CCDC137: variants seen among roughly 807,000 people sequenced by gnomAD.
The protein encoded by CCDC137 is coiled-coil domain-containing protein 137.
In CCDC137, 24 loss-of-function variants were observed where a neutral mutation model predicts 30.4. The observed-to-expected ratio is 0.79, with a 90% CI of 0.57 to 1.11. The LOEUF (loss-of-function observed/expected upper bound fraction) is 1.11. Among genes scored for constraint, CCDC137 ranks in the 50% least tolerant of loss-of-function variants. The pLI, the probability that CCDC137 is intolerant of heterozygous loss-of-function variation, is 0.00. For synonymous variants in CCDC137, 182 were observed against 155.7 expected, an observed-to-expected ratio of 1.17 and a Z score of -1.26; for missense variants, 417 against 380.4, an observed-to-expected ratio of 1.10 and a Z score of -0.80.
chr17:81,671,813 G>T lies in CCDC137; in HGVS notation c.567G>T (p.Gln189His). The T allele has an allele frequency of 6.2e-7, 1 of 1,613,536 alleles. No individual in the cohort carries two copies. Among genetic ancestry groups the T allele is most frequent in the Non-Finnish European group, 8.5e-7 (1 of 1,179,872 alleles). Residue 189 changes from glutamine to histidine, a missense_variant, in exon 4 of 6, where the codon CAG (glutamine) becomes CAT (histidine). Gln to His is a conservative substitution (Grantham distance 24). Transcript: ENST00000329214. ...AAAAGGCGGCAGACAGGCTGGAGCA[G>T]GAGTTGCTCCGAGGTAGCTCTTCCC... ...KEEKAADRLE[Q>H]ELLRDTVKFG...
chr17:81,668,625 A>G (rs2144439851), intron 2 of CCDC137, among the ~76,000 whole-genome samples: 1 of 152,298 alleles, frequency 6.6e-6, no homozygotes, highest in South Asian at 2.1e-4. Flanking sequence ...AGGTGCAGGG[A>G]GGAGGCGCAC....
At chr17:81,671,665 G>A (rs575450664) in intron 3 of CCDC137, 79 bp from the exon 4 acceptor site, 2 of 1,436,014 alleles carry the variant, frequency 1.4e-6, no homozygotes, top group African/African-American at 2.8e-5. Context: ...GGGATCCCTT[G>A]TGGGTGGGGC....
At chr17:81,671,968 G>A in intron 4 of CCDC137, 108 bp from the exon 5 acceptor site, 4 of 1,461,388 alleles carry the variant, frequency 2.7e-6, no homozygotes, top group Non-Finnish European at 3.8e-6. Context: ...TGGATGAGTT[G>A]GTGTTCTGTC....
At position 81,673,149 on chromosome 17, in the gene CCDC137, C is replaced by G. The variant is rs1014607817; in HGVS notation, c.*445C>G. On this transcript the variant is annotated 3_prime_UTR_variant, in exon 6 of 6. Coordinates refer to ENST00000329214, the MANE Select transcript of CCDC137 (RefSeq NM_199287.3). ...GACGACGCATCGGGACAGGGCTCTG[C>G]AGGGGACCGTGACTACAGGCCAGCT... The G allele has an allele frequency of 1.7e-5, 3 of 178,702 alleles. No individual in the cohort carries two copies. Among genetic ancestry groups the G allele is most frequent in the Admixed American group, 5.4e-5 (1 of 18,350 alleles). 11.1% of individuals were successfully genotyped at this position (178,702 alleles called of 1,614,324 possible).
In CCDC137 at chr17:81,671,820, C is replaced by T. The variant is rs963570160; in HGVS notation, c.574C>T (p.Leu192Phe). 2.5e-6 allele frequency: 4 copies of T among 1,613,384 alleles called. No individual in the cohort carries two copies. The highest frequency in any genetic ancestry group is 3.4e-6 in the Non-Finnish European group (4 of 1,179,844). Residue 192 changes from leucine to phenylalanine, a missense_variant, in exon 4 of 6, where the codon CTC becomes TTC. By Grantham distance (22) the Leu-to-Phe change is conservative. Coordinates refer to ENST00000329214, the MANE Select transcript of CCDC137 (RefSeq NM_199287.3). The stretch of plus-strand genomic sequence containing the variant: ...GGCAGACAGGCTGGAGCAGGAGTTG[C>T]TCCGAGGTAGCTCTTCCCAAAGCGA... The part of the protein sequence containing the change: ...KAADRLEQEL[L>F]RDTVKFGEVV...
chr17:81,672,815 G>A lies in CCDC137; in HGVS notation c.*111G>A, dbSNP rs2036738084. 1 of 1,044,090 alleles carries A rather than the reference G, an allele frequency of 9.6e-7. No individual in the cohort carries two copies. The highest frequency in any genetic ancestry group is 1.6e-5 in the South Asian group (1 of 60,654). The allele number at this position is 1,044,090 out of a possible 1,614,324, so 64.7% of individuals were successfully genotyped here. A position where few individuals can be genotyped will look rare whatever the true frequency, so the allele number is the denominator to read the frequency against. ...CCAGCAGTGTGGGGTGAGGCCTCCA[G>A]CTACTTGTTCACACGTTGGGCACTA... On this transcript the variant is annotated 3_prime_UTR_variant, in exon 6 of 6. Coordinates refer to ENST00000329214, the MANE Select transcript of CCDC137 (RefSeq NM_199287.3).
intron 2 of CCDC137, among the ~76,000 whole-genome samples, chr17:81,669,620 C>T (rs1262687815): frequency 5.9e-5 from 9 of 151,334 alleles, no homozygotes; most frequent in South Asian, 2.1e-4. Flanking sequence ...AGTGCAGTGG[C>T]GCAATCTCGG....
chr17:81,669,645 C>T (rs965230086), intron 2 of CCDC137, among the ~76,000 whole-genome samples: 7 of 151,970 alleles, frequency 4.6e-5, no homozygotes, highest in South Asian at 2.1e-4. Flanking sequence ...CTGCAAGCTC[C>T]GCCTCCCGGG....
At chr17:81,669,123 C>G (rs62080208) in intron 2 of CCDC137, among the ~76,000 whole-genome samples, 23,465 of 151,970 alleles carry the variant, frequency 0.15, 1,945 homozygotes, top group African/African-American at 0.18. Flanking sequence ...CTCCTGACCT[C>G]AAGTGATTTC....
At chr17:81,666,952 C>T (rs1462997984) in intron 1 of CCDC137, 52 bp downstream of exon 1, 5 of 1,241,258 alleles carry the variant, frequency 4.0e-6, no homozygotes, top group Non-Finnish European at 5.0e-6. Context: ...AAGGGGACGC[C>T]TTGAAGGCTC....
intron 2 of CCDC137, among the ~76,000 whole-genome samples, chr17:81,668,276 T>C (rs1286659668): frequency 6.6e-6 from 1 of 152,086 alleles, no homozygotes; most frequent in African/African-American, 2.4e-5. Flanking sequence ...GGAGAAGCCA[T>C]GATTCTTGGG....
At chr17:81,669,928 G>T in intron 2 of CCDC137, 1 of 381,890 alleles carries the variant, frequency 2.6e-6, no homozygotes, top group Non-Finnish European at 4.9e-6. Context: ...GGAGTCTGTG[G>T]GTGATCAGAG....
intron 1 of CCDC137, among the ~76,000 whole-genome samples, chr17:81,667,319 CTTTT>C (rs913039751): frequency 4.8e-5 from 6 of 125,624 alleles, no homozygotes; most frequent in African/African-American, 9.5e-5. Context: ...TAGATAGATT[CTTTT>C]TTTTTTTTTT....
At chr17:81,670,559 A>T (rs2036708571) in intron 3 of CCDC137, 106 bp downstream of exon 3, 10 of 1,005,964 alleles carry the variant, frequency 9.9e-6, no homozygotes, top group Non-Finnish European at 1.4e-5. Flanking sequence ...GCCATGGGGC[A>T]GCCTGGATTC....
At chr17:81,667,511 T>C (rs113250157) in intron 1 of CCDC137, among the ~76,000 whole-genome samples, 23,428 of 151,814 alleles carry the variant, frequency 0.15, 1,929 homozygotes, top group African/African-American at 0.18. Flanking sequence ...GTATTTTTAG[T>C]AGAGACGGGG....
Position 81,670,338 on chromosome 17 carries a change from C to T in CCDC137, c.382C>T (p.Arg128Cys), listed in dbSNP as rs1412666941. ...KGESDGAYIHRMQQEAQHVLF... is the reference protein window; with the variant it reads ...KGESDGAYIHCMQQEAQHVLF... ...GGAGTCTGACGGGGCCTATATCCAC[C>T]GCATGCAGCAAGAGGCCCAGCATGT... Residue 128 changes from arginine (R) to cysteine (C), a missense_variant, in exon 3 of 6, where the codon CGC (arginine) becomes TGC (cysteine). Arg to Cys is a radical substitution (Grantham distance 180, BLOSUM62 -3). Transcript: ENST00000329214. 6.8e-6 allele frequency: 11 copies of T among 1,613,982 alleles called. No individual in the cohort carries two copies. The highest frequency in any genetic ancestry group is 9.3e-6 in the Non-Finnish European group (11 of 1,180,026).
intron 4 of CCDC137, 106 bp from the exon 5 acceptor site, chr17:81,671,970 T>C: frequency 6.8e-7 from 1 of 1,462,866 alleles, no homozygotes. Context: ...GATGAGTTGG[T>C]GTTCTGTCCC....
chr17:81,667,134 G>A (rs1470397329), intron 1 of CCDC137: 2 of 416,026 alleles, frequency 4.8e-6, no homozygotes, highest in African/African-American at 4.1e-5. Context: ...CGTCTTTGTG[G>A]TTCTGGACGA....
intron 4 of CCDC137, 111 bp from the exon 5 acceptor site, chr17:81,671,965 G>A: frequency 2.1e-6 from 3 of 1,458,006 alleles, no homozygotes; most frequent in Non-Finnish European, 2.9e-6. Context: ...CACTGGATGA[G>A]TTGGTGTTCT....
Sources: allele counts gnomAD v4.1 joint callset (sites outside exome capture counted in the v4.1 genomes callset), GRCh38; gene constraint gnomAD v4.1.1; transcripts MANE v1.5; gene names NCBI Gene and HGNC (gene_info 2026-07-23, HGNC 2026-07-21).